SLC39A11: variants seen among roughly 807,000 people sequenced by gnomAD.
The protein encoded by SLC39A11 is solute carrier family 39 member 11.
Under a neutral mutation model 36.1 loss-of-function variants are expected in SLC39A11, and 33 were observed. The ratio of observed to expected loss-of-function variants is 0.91; its 90% CI spans 0.69 to 1.22. The LOEUF (loss-of-function observed/expected upper bound fraction) is 1.22, where lower values mean the gene tolerates loss of function less well. SLC39A11 is among the 50% of genes most tolerant of loss of function. SLC39A11 has a pLI of 0.00. For missense variants in SLC39A11, 432 were observed against 430.3 expected (o/e 1.00, Z -0.03); for synonymous variants, 166 against 170.3 (o/e 0.97, Z 0.20).
At chr17:72,668,861 G>A (rs2070870765) in intron 7 of SLC39A11, among the ~76,000 whole-genome samples, 1 of 152,214 alleles carries the variant, frequency 6.6e-6, no homozygotes, top group Non-Finnish European at 1.5e-5. Context: ...AAGACAGCCA[G>A]TTCTCAGGGC....
chr17:72,925,022 G>C (rs1031549934), intron 5 of SLC39A11, among the ~76,000 whole-genome samples: 2 of 134,176 alleles, frequency 1.5e-5, no homozygotes, highest in Admixed American at 7.2e-5. Flanking sequence ...AAAAAAAAAA[G>C]CCATAGAGAA....
chr17:72,926,309 G>A (rs1432098502), intron 5 of SLC39A11, among the ~76,000 whole-genome samples: 1 of 152,150 alleles, frequency 6.6e-6, no homozygotes, highest in Non-Finnish European at 1.5e-5. Context: ...CATTCTTACT[G>A]TAGCCTCTCA....
At chr17:72,840,689 G>A (rs768163014) in intron 6 of SLC39A11, among the ~76,000 whole-genome samples, 2 of 151,910 alleles carry the variant, frequency 1.3e-5, no homozygotes, top group South Asian at 2.1e-4. Context: ...CCTAGGAGGC[G>A]GAGGTTGCAG....
chr17:72,704,120 T>A (rs2072779376), intron 7 of SLC39A11, among the ~76,000 whole-genome samples: 1 of 152,138 alleles, frequency 6.6e-6, no homozygotes, highest in Non-Finnish European at 1.5e-5. Flanking sequence ...GGAGTGAGAC[T>A]CTTTCCAAAA....
At chr17:73,044,818 A>G (rs1350619702) in intron 3 of SLC39A11, among the ~76,000 whole-genome samples, 1 of 151,020 alleles carries the variant, frequency 6.6e-6, no homozygotes, top group African/African-American at 2.4e-5. Flanking sequence ...TGGAGGTTGC[A>G]GTGAGCCAAA....
chr17:72,786,130 G>A (rs368272783), intron 6 of SLC39A11, among the ~76,000 whole-genome samples: 36 of 152,138 alleles, frequency 2.4e-4, no homozygotes, highest in African/African-American at 8.4e-4. Flanking sequence ...CATAACCTTG[G>A]GTTTTAGCAA....
chr17:72,719,896 G>A (rs769379852), intron 7 of SLC39A11, among the ~76,000 whole-genome samples: 15 of 152,174 alleles, frequency 9.9e-5, no homozygotes, highest in Non-Finnish European at 1.9e-4. Context: ...CTGCTGCCCG[G>A]CGGATGGGGG....
chr17:72,867,384 C>A (rs2080355227), intron 5 of SLC39A11, among the ~76,000 whole-genome samples: 1 of 152,080 alleles, frequency 6.6e-6, no homozygotes, highest in African/African-American at 2.4e-5. Context: ...CCTGTAATCC[C>A]AGCTACTCGG....
At chr17:73,047,315 C>T (rs973034391) in intron 3 of SLC39A11, among the ~76,000 whole-genome samples, 6 of 152,150 alleles carry the variant, frequency 3.9e-5, no homozygotes, top group East Asian at 3.9e-4. Context: ...TGAGCCACCG[C>T]GCCCGGCAAG....
chr17:73,068,381 G>A, intron 3 of SLC39A11: 4 of 466,768 alleles, frequency 8.6e-6, no homozygotes, highest in Middle Eastern at 5.6e-4. Flanking sequence ...TCATAGATAT[G>A]GATCACCAAA....
intron 6 of SLC39A11, among the ~76,000 whole-genome samples, chr17:72,776,093 A>G (rs1425874272): frequency 6.6e-6 from 1 of 152,202 alleles, no homozygotes; most frequent in African/African-American, 2.4e-5. Flanking sequence ...GGGGAGATGC[A>G]ATTACAAACA....
chr17:72,937,289 T>TA (rs1375155395), intron 5 of SLC39A11, among the ~76,000 whole-genome samples: 1 of 151,786 alleles, frequency 6.6e-6, no homozygotes, highest in African/African-American at 2.4e-5. Flanking sequence ...TGGTATCTAC[T>TA]AAAAAAAGTA....
At chr17:72,958,862 A>G (rs947183948) in intron 4 of SLC39A11, among the ~76,000 whole-genome samples, 2 of 151,286 alleles carry the variant, frequency 1.3e-5, no homozygotes, top group African/African-American at 4.8e-5. Flanking sequence ...AAAAAAAGAA[A>G]AAAGAAAAAA....
intron 3 of SLC39A11, among the ~76,000 whole-genome samples, chr17:73,054,330 A>G (rs2059601137): frequency 6.6e-6 from 1 of 151,544 alleles, no homozygotes; most frequent in Non-Finnish European, 1.5e-5. Context: ...ACTGCACTCC[A>G]GCCTGGGAGC....
chr17:72,850,414 A>G (rs187026638), intron 5 of SLC39A11, among the ~76,000 whole-genome samples: 10 of 152,034 alleles, frequency 6.6e-5, no homozygotes, highest in African/African-American at 1.7e-4. Context: ...TGATCACACC[A>G]TTGGCCTCCA....
At chr17:72,883,919 C>T (rs567793626) in intron 5 of SLC39A11, among the ~76,000 whole-genome samples, 2 of 152,234 alleles carry the variant, frequency 1.3e-5, no homozygotes, top group East Asian at 3.9e-4. Context: ...CTTTGGGAGG[C>T]TGAGACAGGT....
At chr17:73,075,494 A>G (rs1322632014) in intron 3 of SLC39A11, among the ~76,000 whole-genome samples, 1 of 152,242 alleles carries the variant, frequency 6.6e-6, no homozygotes, top group Non-Finnish European at 1.5e-5. Context: ...CAGCTGGACC[A>G]GACATCAGCT....
chr17:72,698,782 G>A (rs2072444928), intron 7 of SLC39A11, among the ~76,000 whole-genome samples: 1 of 152,142 alleles, frequency 6.6e-6, no homozygotes, highest in African/African-American at 2.4e-5. Context: ...AATACCTGGA[G>A]GGGCTTTCAC....
At chr17:73,040,995 C>CAAAAAAA (rs2059091218) in intron 3 of SLC39A11, among the ~76,000 whole-genome samples, 3 of 133,606 alleles carry the variant, frequency 2.2e-5, no homozygotes, top group East Asian at 2.1e-4. Flanking sequence ...AAAAAAAAAA[C>CAAAAAAA]AAAAAACAAA....
Sources: gnomAD v4.1 joint callset for allele counts (sites outside exome capture counted in the v4.1 genomes callset) on GRCh38, gnomAD v4.1.1 for gene constraint, MANE v1.5 for transcripts, NCBI Gene and HGNC (gene_info 2026-07-23, HGNC 2026-07-21) for gene names.